The following AMBRA1 variants were observed in gnomAD, a reference collection of about 807,000 sequenced individuals.
AMBRA1 encodes the protein autophagy and beclin 1 regulator 1.
In AMBRA1, 47 loss-of-function variants were observed where a neutral mutation model predicts 125.4. That is an observed-to-expected ratio of 0.37 (90% CI 0.30 to 0.48). AMBRA1 has a LOEUF of 0.48. AMBRA1 is among the 20% of genes least tolerant of loss of function. The pLI is 0.99. For synonymous variants in AMBRA1, 626 were observed against 655.5 expected (o/e 0.95, Z 0.69); for missense variants, 1,331 against 1,693.4 (o/e 0.79, Z 3.76).
At chr11:46,516,843 A>C (rs1435524430) in intron 7 of AMBRA1, among the ~76,000 whole-genome samples, 1 of 152,158 alleles carries the variant, frequency 6.6e-6, no homozygotes, top group Non-Finnish European at 1.5e-5. Context: ...TGACCACCAC[A>C]AACTTGACTT....
intron 11 of AMBRA1, among the ~76,000 whole-genome samples, chr11:46,478,648 CTTTTTTTT>C (rs11449187): frequency 1.2e-5 from 1 of 82,156 alleles, no homozygotes; most frequent in Non-Finnish European, 2.1e-5. Context: ...TCTTTTTTCT[CTTTTTTTT>C]TTTTTTTTTT....
chr11:46,463,735 C>T (rs1949200779), intron 11 of AMBRA1, among the ~76,000 whole-genome samples: 1 of 152,236 alleles, frequency 6.6e-6, no homozygotes, highest in South Asian at 2.1e-4. Flanking sequence ...TGGAAGTCTA[C>T]ATAGCACAGT....
chr11:46,472,865 A>G (rs1416659665), intron 11 of AMBRA1, among the ~76,000 whole-genome samples: 2 of 152,182 alleles, frequency 1.3e-5, no homozygotes, highest in African/African-American at 4.8e-5. Context: ...CAAACTCCAC[A>G]CATGCTCCAG....
chr11:46,489,434 G>T (rs1302037861), intron 11 of AMBRA1, among the ~76,000 whole-genome samples: 1 of 152,078 alleles, frequency 6.6e-6, no homozygotes, highest in South Asian at 2.1e-4. Flanking sequence ...GTGAGCCACC[G>T]CACCTGGCCA....
chr11:46,536,823 T>G (rs1952501494), intron 7 of AMBRA1, among the ~76,000 whole-genome samples: 1 of 152,196 alleles, frequency 6.6e-6, no homozygotes, highest in Non-Finnish European at 1.5e-5. Flanking sequence ...TGAGGGCTTC[T>G]AACTCTAACC....
chr11:46,508,235 C>T lies in AMBRA1; in HGVS notation c.2295G>A (p.Gln765=). The change falls in exon 9 of 18, where the codon CAG becomes CAA. Residue 765 remains glutamine, a synonymous_variant. Coordinates refer to ENST00000683756, the MANE Select transcript of AMBRA1 (RefSeq NM_001387011.1). The part of the protein sequence containing the change: ...SSTSSSSSDN[Q]GPSVEGTDLE... ...AGTCGGTTCCCTCTACTGATGGACC[C>T]TGGTTGTCTGAGGAAGAGGAGGAGG... is the stretch of plus-strand genomic sequence containing the variant. The T allele has an allele frequency of 6.2e-7, 1 of 1,614,178 alleles. No individual in the cohort carries two copies. Among genetic ancestry groups the T allele is most frequent in the South Asian group, 1.1e-5 (1 of 91,082 alleles).
chr11:46,450,928 G>A (rs562385291), intron 11 of AMBRA1, among the ~76,000 whole-genome samples: 30 of 152,284 alleles, frequency 2.0e-4, no homozygotes, highest in African/African-American at 6.7e-4. Context: ...GTACCACACT[G>A]GTGTGGACAG....
chr11:46,512,894 A>T, intron 7 of AMBRA1, 81 bp from the exon 8 acceptor site: 2 of 1,295,906 alleles, frequency 1.5e-6, no homozygotes, highest in South Asian at 1.4e-5. Context: ...TGAGGGAGAG[A>T]TATATAACTT....
At chr11:46,455,116 G>T (rs1443690814) in intron 11 of AMBRA1, among the ~76,000 whole-genome samples, 1 of 152,030 alleles carries the variant, frequency 6.6e-6, no homozygotes, top group East Asian at 1.9e-4. Context: ...TAAACTTCTG[G>T]CCTCAAATGA....
intron 7 of AMBRA1, 47 bp downstream of exon 7, chr11:46,541,898 C>G (rs138207091): frequency 1.3e-6 from 2 of 1,589,862 alleles, no homozygotes; most frequent in East Asian, 4.5e-5. Context: ...GGAAATGATA[C>G]AAGGAGAAAA....
At chr11:46,507,920 G>A (rs1391513850) in intron 9 of AMBRA1, among the ~76,000 whole-genome samples, 1 of 152,186 alleles carries the variant, frequency 6.6e-6, no homozygotes, top group Non-Finnish European at 1.5e-5. Flanking sequence ...GTTGCCCGAG[G>A]AGCAACAGCC....
chr11:46,564,574 G>T (rs981907633), intron 1 of AMBRA1, among the ~76,000 whole-genome samples: 5 of 144,872 alleles, frequency 3.5e-5, no homozygotes, highest in Admixed American at 2.1e-4. Flanking sequence ...TACAGAAAAA[G>T]AAAAAAAAAA....
intron 9 of AMBRA1, among the ~76,000 whole-genome samples, chr11:46,500,876 TG>T (rs1474424457): frequency 6.6e-6 from 1 of 152,244 alleles, no homozygotes; most frequent in African/African-American, 2.4e-5. Context: ...AGTATTTTAG[TG>T]GTAACTTATT....
At chr11:46,500,118 A>T (rs1950777973) in intron 9 of AMBRA1, among the ~76,000 whole-genome samples, 1 of 152,194 alleles carries the variant, frequency 6.6e-6, no homozygotes, top group Admixed American at 6.5e-5. Context: ...CTCAGCCAAG[A>T]CTAGAACCCA....
chr11:46,464,881 C>T (rs907408064), intron 11 of AMBRA1, among the ~76,000 whole-genome samples: 4 of 152,000 alleles, frequency 2.6e-5, no homozygotes, highest in Non-Finnish European at 5.9e-5. Flanking sequence ...CCCGTCTCTA[C>T]TAAAAATACA....
chr11:46,581,348 C>T (rs2044161915), intron 1 of AMBRA1, among the ~76,000 whole-genome samples: 1 of 152,004 alleles, frequency 6.6e-6, no homozygotes, highest in Non-Finnish European at 1.5e-5. Context: ...GTGGCTCACA[C>T]CTGTAATCCC....
intron 11 of AMBRA1, among the ~76,000 whole-genome samples, chr11:46,486,734 C>T (rs1419914313): frequency 2.0e-5 from 3 of 151,836 alleles, no homozygotes; most frequent in Non-Finnish European, 4.4e-5. Context: ...AGTGAAACAC[C>T]GTCTCTACTA....
Position 46,530,170 on chromosome 11 carries a change from AACGTATTTGCAGCAC to A in AMBRA1, c.2072+11760_2072+11774del, listed in dbSNP as rs112937161. 6.3e-3 allele frequency among the ~76,000 whole-genome samples: 954 copies of A among 152,324 alleles called. 9 individuals carry two copies. Among genetic ancestry groups the A allele is most frequent in the African/African-American group, 0.022 (909 of 41,570 alleles). Reference sequence around the variant, plus strand: ...AATGAGTACACGGGAAATTACTCCCAACGTATTTGCAGCACACATACAGACGTCACTGTAGTCCCC... The same window carrying A: ...AATGAGTACACGGGAAATTACTCCCAACATACAGACGTCACTGTAGTCCCC... On this transcript the variant is annotated intron_variant, in intron 7 of 17. Coordinates refer to ENST00000683756, the MANE Select transcript of AMBRA1 (RefSeq NM_001387011.1).
chr11:46,435,249 T>C (rs561994044), intron 12 of AMBRA1, among the ~76,000 whole-genome samples: 5 of 152,312 alleles, frequency 3.3e-5, no homozygotes, highest in African/African-American at 4.8e-5. Context: ...CAGGAAACTA[T>C]AGGATAGTCA....
Sources: gnomAD v4.1 joint callset for allele counts (sites outside exome capture counted in the v4.1 genomes callset) on GRCh38, gnomAD v4.1.1 for gene constraint, MANE v1.5 for transcripts, NCBI Gene and HGNC (gene_info 2026-07-23, HGNC 2026-07-21) for gene names.